ANO2: variants seen among roughly 807,000 people sequenced by gnomAD.
ANO2 encodes anoctamin-2.
In ANO2, 101 loss-of-function variants were observed where a neutral mutation model predicts 124.2. That is an observed-to-expected ratio of 0.81 (90% CI 0.69 to 0.96). The LOEUF (loss-of-function observed/expected upper bound fraction) is 0.96. Among genes scored for constraint, ANO2 ranks in the 40% least tolerant of loss-of-function variants. The pLI is 0.00. For synonymous variants in ANO2, 486 were observed against 482.5 expected (o/e 1.01, Z -0.09); for missense variants, 1,293 against 1,274.5 (o/e 1.01, Z -0.22).
intron 19 of ANO2, among the ~76,000 whole-genome samples, chr12:5,607,736 A>T (rs951614565): frequency 6.6e-6 from 1 of 152,252 alleles, no homozygotes; most frequent in Non-Finnish European, 1.5e-5. Context: ...CCCTACGTGA[A>T]CTGTGCATGC....
At chr12:5,801,967 T>C (rs1953054917) in intron 9 of ANO2, among the ~76,000 whole-genome samples, 1 of 152,288 alleles carries the variant, frequency 6.6e-6, no homozygotes, top group African/African-American at 2.4e-5. Flanking sequence ...TATGCTTGCG[T>C]CAGGAGATGC....
intron 3 of ANO2, among the ~76,000 whole-genome samples, chr12:5,903,647 A>ATGTGTGTGTG (rs143239619): frequency 0.041 from 6,066 of 148,496 alleles, 251 homozygotes; most frequent in African/African-American, 0.11. Flanking sequence ...ATGTGCAAAG[A>ATGTGTGTGTG]TGTGTGTGTG....
At chr12:5,708,501 C>A (rs1949699629) in intron 14 of ANO2, among the ~76,000 whole-genome samples, 1 of 152,218 alleles carries the variant, frequency 6.6e-6, no homozygotes, top group South Asian at 2.1e-4. Flanking sequence ...CATTCTCTCA[C>A]CTCCTCCACC....
chr12:5,779,907 C>T (rs1197330619), intron 10 of ANO2, among the ~76,000 whole-genome samples: 1 of 151,996 alleles, frequency 6.6e-6, no homozygotes, highest in East Asian at 1.9e-4. Context: ...AGAGACATAA[C>T]AACTAAATGT....
chr12:5,670,437 C>T (rs117884298), intron 14 of ANO2, among the ~76,000 whole-genome samples: 1 of 152,114 alleles, frequency 6.6e-6, no homozygotes, highest in Non-Finnish European at 1.5e-5. Flanking sequence ...AAACTGGGAG[C>T]TGACAATTAC....
At chr12:5,866,588 A>G (rs112722768) in intron 3 of ANO2, among the ~76,000 whole-genome samples, 3 of 152,248 alleles carry the variant, frequency 2.0e-5, no homozygotes, top group Non-Finnish European at 2.9e-5. Context: ...TGACCACTAC[A>G]TGATGAGATT....
intron 15 of ANO2, among the ~76,000 whole-genome samples, chr12:5,642,992 G>C (rs972771578): frequency 2.6e-5 from 4 of 151,992 alleles, no homozygotes; most frequent in Non-Finnish European, 5.9e-5. Flanking sequence ...GAACTTACCT[G>C]ACCAACCTAT....
chr12:5,711,275 A>C (rs1949807778), intron 14 of ANO2, among the ~76,000 whole-genome samples: 1 of 152,158 alleles, frequency 6.6e-6, no homozygotes, highest in South Asian at 2.1e-4. Context: ...GTGATCAGCA[A>C]GTTCTCACTC....
Position 5,578,357 on chromosome 12 carries a change from G to A in ANO2, c.2386+9C>T. ...TGGGCCTGGTGGGGCCTCTAAGTGG[G>A]GCACGTACCGATATCTTTGGTTCTT... On this transcript the variant is annotated intron_variant, in intron 21 of 24. Coordinates refer to ENST00000682330, the MANE Select transcript of ANO2 (RefSeq NM_001364791.2). The A allele has an allele frequency of 6.2e-7, 1 of 1,612,750 alleles. No individual in the cohort carries two copies. Among genetic ancestry groups the A allele is most frequent in the Non-Finnish European group, 8.5e-7 (1 of 1,179,232 alleles).
chr12:5,820,302 A>C (rs2137197672), intron 7 of ANO2, among the ~76,000 whole-genome samples: 2 of 152,268 alleles, frequency 1.3e-5, no homozygotes, highest in East Asian at 3.9e-4. Context: ...AAGGGATATG[A>C]TCAGATTTTT....
At chr12:5,806,763 A>T (rs1953207641) in intron 8 of ANO2, among the ~76,000 whole-genome samples, 1 of 152,266 alleles carries the variant, frequency 6.6e-6, no homozygotes, top group Non-Finnish European at 1.5e-5. Flanking sequence ...AAAGCATTGT[A>T]CAAGGAATTC....
Position 5,573,150 on chromosome 12 carries a change from C to T in ANO2, c.2621+2684G>A, listed in dbSNP as rs570463780. Reference sequence around the variant, plus strand: ...AGTGGAACTGGGAGGTGGGCAGAGACTGGATTTGGGCAGACTGGATTGAAT... The same window carrying T: ...AGTGGAACTGGGAGGTGGGCAGAGATTGGATTTGGGCAGACTGGATTGAAT... On this transcript the variant is annotated intron_variant, in intron 23 of 24. Transcript: ENST00000682330. Among the ~76,000 whole-genome samples, 35 of 152,288 alleles carry T rather than the reference C, an allele frequency of 2.3e-4. 1 individual carries two copies. The highest frequency in any genetic ancestry group is 4.1e-4 in the South Asian group (2 of 4,828).
At chr12:5,616,068 GAACCAGTGGAC>G (rs1944791047) in intron 16 of ANO2, among the ~76,000 whole-genome samples, 1 of 152,120 alleles carries the variant, frequency 6.6e-6, no homozygotes, top group Admixed American at 6.5e-5. Flanking sequence ...AGAGACACAG[GAACCAGTGGAC>G]AATGGTTCAG....
intron 15 of ANO2, among the ~76,000 whole-genome samples, chr12:5,637,117 G>C (rs1946063670): frequency 6.6e-6 from 1 of 151,980 alleles, no homozygotes; most frequent in Admixed American, 6.6e-5. Context: ...GACTAAGTAG[G>C]GACTACTATC....
At chr12:5,879,333 CATGAT>C (rs764303281) in intron 3 of ANO2, among the ~76,000 whole-genome samples, 1 of 152,130 alleles carries the variant, frequency 6.6e-6, no homozygotes, top group Non-Finnish European at 1.5e-5. Context: ...GAACTTCTGA[CATGAT>C]AAGATAAAAG....
chr12:5,757,847 G>T (rs541092929), intron 10 of ANO2, among the ~76,000 whole-genome samples: 1 of 151,918 alleles, frequency 6.6e-6, no homozygotes, highest in East Asian at 1.9e-4. Flanking sequence ...AAAGTAAGAA[G>T]AAATAGCTAA....
chr12:5,878,532 CT>C (rs1417165855), intron 3 of ANO2, among the ~76,000 whole-genome samples: 1 of 152,228 alleles, frequency 6.6e-6, no homozygotes, highest in Non-Finnish European at 1.5e-5. Context: ...ATGCATGCCC[CT>C]GACATTGGCA....
intron 10 of ANO2, among the ~76,000 whole-genome samples, chr12:5,794,218 A>C (rs1336600541): frequency 6.6e-6 from 1 of 152,178 alleles, no homozygotes; most frequent in East Asian, 1.9e-4. Context: ...GACCCGTGCA[A>C]ATGCCATGGT....
intron 4 of ANO2, among the ~76,000 whole-genome samples, chr12:5,833,124 T>A (rs1300154673): frequency 6.6e-6 from 1 of 152,238 alleles, no homozygotes; most frequent in Non-Finnish European, 1.5e-5. Flanking sequence ...TTCTATGTGA[T>A]CATCCAGCAT....
Sources: gnomAD v4.1 joint callset for allele counts (sites outside exome capture counted in the v4.1 genomes callset) on GRCh38, gnomAD v4.1.1 for gene constraint, MANE v1.5 for transcripts, NCBI Gene and HGNC (gene_info 2026-07-23, HGNC 2026-07-21) for gene names.